DNAJC11: variants seen among roughly 807,000 people sequenced by gnomAD.
DNAJC11 encodes DnaJ heat shock protein family (Hsp40) member C11, also known as dnaJ homolog subfamily C member 11.
DNAJC11 carries 15 observed loss-of-function variants against 78.6 expected under a neutral mutation model. The observed-to-expected ratio is 0.19, with a 90% confidence interval of 0.13 to 0.29. The LOEUF is 0.29. DNAJC11 is among the 10% of genes least tolerant of loss of function. DNAJC11 has a pLI of 1.00. For synonymous variants in DNAJC11, 292 were observed against 272.1 expected (o/e 1.07, Z -0.72); for missense variants, 547 against 709.6 (o/e 0.77, Z 2.60).
chr1:6,694,693 C>T (rs1224604227), intron 1 of DNAJC11, among the ~76,000 whole-genome samples: 2 of 151,640 alleles, frequency 1.3e-5, no homozygotes, highest in African/African-American at 2.4e-5. Flanking sequence ...TGGCTGGGCG[C>T]GGTGGCTCAC....
At chr1:6,646,933 T>C (rs1362032481) in intron 7 of DNAJC11, among the ~76,000 whole-genome samples, 10 of 151,512 alleles carry the variant, frequency 6.6e-5, no homozygotes, top group Non-Finnish European at 1.2e-4. Context: ...AGGAGGCAAA[T>C]TGCTTCACCC....
intron 4 of DNAJC11, among the ~76,000 whole-genome samples, chr1:6,655,407 A>C (rs992535273): frequency 1.3e-5 from 2 of 152,244 alleles, no homozygotes; most frequent in African/African-American, 4.8e-5. Context: ...TATTCTACCC[A>C]TGGAAAATGA....
chr1:6,667,969 C>T (rs1024982274), intron 3 of DNAJC11, among the ~76,000 whole-genome samples, 159 bp from the exon 4 acceptor site: 5 of 152,212 alleles, frequency 3.3e-5, no homozygotes, highest in African/African-American at 9.6e-5. Context: ...TTCCACCATC[C>T]GATGGCTCAG....
rs985005288 is a variant in DNAJC11 at position 6,651,966 on chromosome 1, G to A, written c.631-364C>T. Among the ~76,000 whole-genome samples the A allele has an allele frequency of 6.8e-5, 9 of 131,466 alleles. No individual in the cohort carries two copies. In the South Asian group the frequency reaches 2.1e-3, roughly 30 times the overall value. The allele number at this position is 131,466 out of a possible 152,430, so 86.2% of individuals were successfully genotyped here. On this transcript the variant is annotated intron_variant, in intron 6 of 15. Coordinates refer to ENST00000377577, the MANE Select transcript of DNAJC11 (RefSeq NM_018198.4). The stretch of plus-strand genomic sequence containing the variant: ...ACCTGCAGAGCACCGACTGCGGTCC[G>A]GTGTGCCCCCCACCCCCGCATGCAC...
chr1:6,695,576 C>T (rs75561627), intron 1 of DNAJC11, among the ~76,000 whole-genome samples: 124 of 132,612 alleles, frequency 9.4e-4, no homozygotes, highest in African/African-American at 3.1e-3. Context: ...TGGATCACGA[C>T]GTCAGGAGTT....
chr1:6,657,866 C>G (rs1371469322), intron 4 of DNAJC11, among the ~76,000 whole-genome samples: 1 of 152,178 alleles, frequency 6.6e-6, no homozygotes, highest in Non-Finnish European at 1.5e-5. Context: ...AGGATGGTCT[C>G]GATCTCCTGA....
At chr1:6,667,644 G>T in intron 4 of DNAJC11, 65 bp downstream of exon 4, 1 of 1,339,100 alleles carries the variant, frequency 7.5e-7, no homozygotes, top group Non-Finnish European at 1.1e-6. Flanking sequence ...CATTATTTCA[G>T]ACCTGGCTTC....
chr1:6,693,072 A>C (rs1338436327), intron 1 of DNAJC11, among the ~76,000 whole-genome samples: 1 of 141,564 alleles, frequency 7.1e-6, no homozygotes, highest in Non-Finnish European at 1.5e-5. Context: ...CACCCGGCTA[A>C]TTTTTTTTTT....
chr1:6,651,300 G>C (rs1022478822), intron 7 of DNAJC11: 1 of 656,846 alleles, frequency 1.5e-6, no homozygotes, highest in African/African-American at 1.8e-5. Context: ...AGACCTGGAT[G>C]GTGCAGCCTG....
chr1:6,636,077 GCCC>G, intron 15 of DNAJC11, 37 bp downstream of exon 15: 1 of 1,590,714 alleles, frequency 6.3e-7, no homozygotes, highest in Non-Finnish European at 8.6e-7. Flanking sequence ...CGAGGTCCCC[GCCC>G]CCGTTAGCTG....
intron 4 of DNAJC11, among the ~76,000 whole-genome samples, chr1:6,658,699 T>C (rs1227255738): frequency 6.6e-6 from 1 of 152,186 alleles, no homozygotes; most frequent in Non-Finnish European, 1.5e-5. Flanking sequence ...CAAAAAGCTA[T>C]CTAAAAACTT....
chr1:6,634,255 C>A lies in DNAJC11; in HGVS notation c.*1420G>T. 1.1e-6 allele frequency: 1 copy of A among 873,738 alleles called. No homozygotes were observed. The highest frequency in any genetic ancestry group is 1.7e-6 in the Non-Finnish European group (1 of 580,432). 54.1% of individuals were successfully genotyped at this position (873,738 alleles called of 1,614,324 possible). The stretch of plus-strand genomic sequence containing the variant: ...GCAGAGGATGGGTGCCCAGAAGCAC[C>A]TGCGGCAGAGGCGCACGGGAAGCCC... On this transcript the variant is annotated 3_prime_UTR_variant, in exon 16 of 16. Coordinates refer to ENST00000377577, the MANE Select transcript of DNAJC11 (RefSeq NM_018198.4).
intron 10 of DNAJC11, 37 bp downstream of exon 10, chr1:6,644,521 G>A (rs1194623890): frequency 2.2e-6 from 3 of 1,393,462 alleles, no homozygotes; most frequent in Non-Finnish European, 2.0e-6. Context: ...GAAGGTGACA[G>A]GCATTCCTTG....
rs777089105 is a variant in DNAJC11, at chr1:6,634,754, G to A, written c.*921C>T. 1 of 1,343,422 alleles carries A rather than the reference G, an allele frequency of 7.4e-7. No individual in the cohort carries two copies. The highest frequency in any genetic ancestry group is 4.8e-5 in the East Asian group (1 of 20,930). 83.2% of individuals were successfully genotyped at this position (1,343,422 alleles called of 1,614,324 possible). On this transcript the variant is annotated 3_prime_UTR_variant, in exon 16 of 16. Transcript: ENST00000377577. ...CCCTGGTGTTCCTGTGAGGACGCTG[G>A]ACCTGCAGGAGCGGGGAGCTGCAGT... is the stretch of plus-strand genomic sequence containing the variant.
intron 7 of DNAJC11, 128 bp from the exon 8 acceptor site, chr1:6,646,106 A>G (rs1226588137): frequency 3.5e-5 from 15 of 429,500 alleles, no homozygotes; most frequent in South Asian, 9.4e-5. Context: ...AGCTCCCAGT[A>G]AAAAAAAAAG....
At chr1:6,695,736 A>G (rs1313375148) in intron 1 of DNAJC11, among the ~76,000 whole-genome samples, 1 of 149,266 alleles carries the variant, frequency 6.7e-6, no homozygotes, top group Non-Finnish European at 1.5e-5. Flanking sequence ...TGAACCTAGG[A>G]GGTGGAGGTT....
intron 1 of DNAJC11, among the ~76,000 whole-genome samples, chr1:6,695,722 T>G (rs1358661684): frequency 6.8e-6 from 1 of 147,690 alleles, no homozygotes; most frequent in African/African-American, 2.5e-5. Flanking sequence ...GCAGGAGAAT[T>G]GCATGAACCT....
intron 2 of DNAJC11, 37 bp from the exon 3 acceptor site, chr1:6,678,504 A>G: frequency 6.4e-7 from 1 of 1,563,052 alleles, no homozygotes; most frequent in Non-Finnish European, 8.8e-7. Flanking sequence ...ATAAAATACA[A>G]AATTCACCTT....
chr1:6,697,498 C>A (rs1011371339), intron 1 of DNAJC11, among the ~76,000 whole-genome samples: 1 of 152,196 alleles, frequency 6.6e-6, no homozygotes, highest in East Asian at 1.9e-4. Context: ...GGTTCATGCT[C>A]CTATGAGAAG....
Sources: allele counts gnomAD v4.1 joint callset (sites outside exome capture counted in the v4.1 genomes callset), GRCh38; gene constraint gnomAD v4.1.1; transcripts MANE v1.5; gene names NCBI Gene and HGNC (gene_info 2026-07-23, HGNC 2026-07-21).